IQGAP1: variants seen among roughly 807,000 people sequenced by gnomAD.
IQGAP1 encodes IQ motif containing GTPase activating protein 1.
Under a neutral mutation model 215.6 loss-of-function variants are expected in IQGAP1, and 66 were observed. The observed-to-expected ratio is 0.31, with a 90% CI of 0.25 to 0.38. The LOEUF (loss-of-function observed/expected upper bound fraction) is 0.38, where lower values mean the gene tolerates loss of function less well. Among genes scored for constraint, IQGAP1 ranks in the 10% least tolerant of loss-of-function variants. IQGAP1 has a pLI of 1.00. For synonymous variants in IQGAP1, 772 were observed against 728.7 expected, an observed-to-expected ratio of 1.06 and a Z score of -0.96; for missense variants, 1,712 against 1,997.1, an observed-to-expected ratio of 0.86 and a Z score of 2.72.
At position 90,456,457 on chromosome 15, in the gene IQGAP1, A is replaced by T. The variant is rs1965681682; in HGVS notation, c.1776+142A>T. On this transcript the variant is annotated intron_variant, in intron 15 of 37. Coordinates refer to ENST00000268182, the MANE Select transcript of IQGAP1 (RefSeq NM_003870.4). ...GATTCAAAGCACTGGAGGGACACAAAAATGTGAGAGACATAGGCTCCACCT... is the reference window on the plus strand; with the variant it reads ...GATTCAAAGCACTGGAGGGACACAATAATGTGAGAGACATAGGCTCCACCT... 1.9e-5 allele frequency: 14 copies of T among 734,646 alleles called. No homozygotes were observed. In the South Asian group the frequency reaches 2.8e-4, roughly 15 times the overall value. The allele number at this position is 734,646 out of a possible 1,614,324, so 45.5% of individuals were successfully genotyped here.
At chr15:90,459,021 G>A (rs1239068349) in intron 15 of IQGAP1, among the ~76,000 whole-genome samples, 1 of 152,156 alleles carries the variant, frequency 6.6e-6, no homozygotes, top group East Asian at 1.9e-4. Flanking sequence ...GAGTGTCAGT[G>A]TGCAAAAAGC....
intron 2 of IQGAP1, among the ~76,000 whole-genome samples, chr15:90,420,999 CA>C (rs373705789): frequency 4.2e-4 from 64 of 150,854 alleles, no homozygotes; most frequent in African/African-American, 1.6e-3. Flanking sequence ...CTAAGATGTA[CA>C]AAAACTAGCC....
intron 11 of IQGAP1, among the ~76,000 whole-genome samples, chr15:90,450,111 T>C (rs1412082189): frequency 6.6e-6 from 1 of 152,150 alleles, no homozygotes; most frequent in Non-Finnish European, 1.5e-5. Flanking sequence ...ATGGTAATTT[T>C]GTACCCGTTA....
At chr15:90,410,942 T>C (rs1964955587) in intron 2 of IQGAP1, among the ~76,000 whole-genome samples, 1 of 152,096 alleles carries the variant, frequency 6.6e-6, no homozygotes, top group Non-Finnish European at 1.5e-5. Context: ...GCCTAATTGC[T>C]ATGTCCCATG....
chr15:90,454,395 T>C, intron 13 of IQGAP1, 33 bp from the exon 14 acceptor site: 1 of 1,612,820 alleles, frequency 6.2e-7, no homozygotes, highest in Middle Eastern at 1.7e-4. Flanking sequence ...CATGCTGTGC[T>C]TAATGCTCTT....
chr15:90,467,304 C>A, intron 17 of IQGAP1, 146 bp from the exon 18 acceptor site: 1 of 649,138 alleles, frequency 1.5e-6, no homozygotes, highest in Non-Finnish European at 2.5e-6. Context: ...GCTTAGCATG[C>A]CCCTTTACTC....
intron 2 of IQGAP1, among the ~76,000 whole-genome samples, chr15:90,423,561 A>AGGTG (rs993257740): frequency 6.6e-6 from 1 of 152,238 alleles, no homozygotes; most frequent in African/African-American, 2.4e-5. Flanking sequence ...TAAACAAACC[A>AGGTG]GGTGATACTC....
At chr15:90,399,202 A>G (rs1964771401) in intron 2 of IQGAP1, among the ~76,000 whole-genome samples, 1 of 151,760 alleles carries the variant, frequency 6.6e-6, no homozygotes, top group Non-Finnish European at 1.5e-5. Flanking sequence ...GGCTCAGGCT[A>G]TCCTTCGCTA....
At position 90,454,183 on chromosome 15, in the gene IQGAP1, A is replaced by C. The variant is rs1965647175; in HGVS notation, c.1488-245A>C. ...TGTAGCCTTTTTTTCTTGTCTATGG[A>C]GGAATTGCTTGAACTGCTGCCTTTA... On this transcript the variant is annotated intron_variant, in intron 13 of 37. Transcript: ENST00000268182. Among the ~76,000 whole-genome samples the C allele has an allele frequency of 3.3e-5, 5 of 152,198 alleles. No homozygotes were observed. The South Asian group carries it at 1.0e-3, about 32-fold the overall frequency.
In IQGAP1 at chr15:90,391,244, A is replaced by G. The variant is rs189961838; in HGVS notation, c.155+371A>G. 8.8e-3 allele frequency: 1,423 copies of G among 162,088 alleles called. 17 individuals carry two copies. The highest frequency in any genetic ancestry group is 0.032 in the African/African-American group (1,312 of 41,038). 10.0% of individuals were successfully genotyped at this position (162,088 alleles called of 1,614,324 possible). ...CAAAACTCCTGTTTTTGGTGGGGGGAAAAAAAAGAAAAGATTTATTTGAGT... is the reference window on the plus strand; with the variant it reads ...CAAAACTCCTGTTTTTGGTGGGGGGGAAAAAAAGAAAAGATTTATTTGAGT... On this transcript the variant is annotated intron_variant, in intron 2 of 37. Coordinates refer to ENST00000268182, the MANE Select transcript of IQGAP1 (RefSeq NM_003870.4).
chr15:90,429,763 G>C, intron 4 of IQGAP1, 97 bp downstream of exon 4: 1 of 676,946 alleles, frequency 1.5e-6, no homozygotes, highest in East Asian at 2.8e-5. Context: ...ATTATTCTCA[G>C]AATCTTTGGT....
chr15:90,472,689 C>T, intron 18 of IQGAP1, 151 bp from the exon 19 acceptor site: 1 of 657,172 alleles, frequency 1.5e-6, no homozygotes, highest in Non-Finnish European at 2.5e-6. Context: ...AAAAACAGAC[C>T]TGAGGGCTTT....
At position 90,501,198 on chromosome 15, in the gene IQGAP1, A is replaced by AACCAG. The variant is rs2151043029; in HGVS notation, c.*1091_*1095dup. 1 of 152,602 alleles carries AACCAG rather than the reference A, an allele frequency of 6.6e-6. No individual in the cohort carries two copies. Among genetic ancestry groups the AACCAG allele is most frequent in the Admixed American group, 6.5e-5 (1 of 15,274 alleles). 9.5% of individuals were successfully genotyped at this position (152,602 alleles called of 1,614,324 possible). On this transcript the variant is annotated 3_prime_UTR_variant, in exon 38 of 38. Transcript: ENST00000268182. ...CTTTAATTGTCTAAAACAAAAACAA[A>AACCAG]ACCAGCCAACCTATGTTACACGTGA...
chr15:90,471,433 G>A (rs1207736150), intron 18 of IQGAP1, among the ~76,000 whole-genome samples: 3 of 151,468 alleles, frequency 2.0e-5, no homozygotes, highest in Non-Finnish European at 4.4e-5. Context: ...TTCTCTCAAG[G>A]AGCTTTCTCA....
At chr15:90,471,779 C>A (rs1341268360) in intron 18 of IQGAP1, among the ~76,000 whole-genome samples, 2 of 151,240 alleles carry the variant, frequency 1.3e-5, no homozygotes, top group Admixed American at 1.3e-4. Context: ...GGATTACAGG[C>A]GTGAGCCACC....
chr15:90,389,560 G>C (rs938672842), intron 1 of IQGAP1, among the ~76,000 whole-genome samples: 1 of 151,886 alleles, frequency 6.6e-6, no homozygotes, highest in African/African-American at 2.4e-5. Context: ...TCAAACTCCT[G>C]ATCTCAAATG....
intron 2 of IQGAP1, among the ~76,000 whole-genome samples, chr15:90,400,394 T>C (rs760828521): frequency 6.6e-6 from 1 of 152,254 alleles, no homozygotes. Flanking sequence ...ATATTTTTAA[T>C]TAATTCCTTT....
intron 2 of IQGAP1, among the ~76,000 whole-genome samples, chr15:90,410,610 C>A (rs537927769): frequency 6.6e-6 from 1 of 151,538 alleles, no homozygotes; most frequent in East Asian, 1.9e-4. Context: ...ACCGCATGTT[C>A]TCACTCATAG....
chr15:90,476,879 G>C, intron 24 of IQGAP1, 61 bp downstream of exon 24: 1 of 1,539,642 alleles, frequency 6.5e-7, no homozygotes, highest in Non-Finnish European at 8.8e-7. Flanking sequence ...CCACAAGAAA[G>C]CCTTACCATC....
Sources: gnomAD v4.1 joint callset for allele counts (sites outside exome capture counted in the v4.1 genomes callset) on GRCh38, gnomAD v4.1.1 for gene constraint, MANE v1.5 for transcripts, NCBI Gene and HGNC (gene_info 2026-07-23, HGNC 2026-07-21) for gene names.